Variants in GPD2 observed in about 807,000 individuals in gnomAD.
The protein encoded by GPD2 is glycerol-3-phosphate dehydrogenase 2, also known as glycerol-3-phosphate dehydrogenase, mitochondrial.
GPD2 carries 54 observed loss-of-function variants against 82.4 expected under a neutral mutation model. The ratio of observed to expected loss-of-function variants is 0.66; its 90% CI spans 0.53 to 0.82. The LOEUF (loss-of-function observed/expected upper bound fraction) is 0.82. GPD2 is among the 40% of genes least tolerant of loss of function. The pLI is 0.00. For synonymous variants in GPD2, 288 were observed against 306.1 expected, an observed-to-expected ratio of 0.94 and a Z score of 0.62; for missense variants, 748 against 896.2, an observed-to-expected ratio of 0.83 and a Z score of 2.11.
At chr2:156,479,404 A>G (rs1481601234) in intron 2 of GPD2, among the ~76,000 whole-genome samples, 1 of 152,156 alleles carries the variant, frequency 6.6e-6, no homozygotes, top group Non-Finnish European at 1.5e-5. Context: ...GTCTCACTCT[A>G]CTTCATAGTA....
the GPD2 span, among the ~76,000 whole-genome samples, chr2:156,402,851 C>T: frequency 6.6e-6 from 1 of 151,938 alleles, no homozygotes; most frequent in East Asian, 1.9e-4. Context: ...AATTTTGAAT[C>T]CTAACTTCAG....
chr2:156,514,246 T>C (rs1685115185), intron 6 of GPD2, among the ~76,000 whole-genome samples: 1 of 152,154 alleles, frequency 6.6e-6, no homozygotes, highest in Non-Finnish European at 1.5e-5. Context: ...GCAAAGCCAT[T>C]TGTAAAATTT....
At chr2:156,458,278 G>A (rs1311737234) in intron 1 of GPD2, among the ~76,000 whole-genome samples, 1 of 152,174 alleles carries the variant, frequency 6.6e-6, no homozygotes, top group Non-Finnish European at 1.5e-5. Context: ...CCCTGGGTGT[G>A]TTAACTAAAG....
chr2:156,493,602 T>A (rs1684260866), intron 2 of GPD2, among the ~76,000 whole-genome samples: 1 of 152,186 alleles, frequency 6.6e-6, no homozygotes, highest in African/African-American at 2.4e-5. Context: ...TCAAGATTAA[T>A]GTTCACAGTT....
chr2:156,540,720 GT>G (rs1686274711), intron 6 of GPD2, among the ~76,000 whole-genome samples: 1 of 152,144 alleles, frequency 6.6e-6, no homozygotes, highest in African/African-American at 2.4e-5. Context: ...TATCAACACT[GT>G]TTTCCTCTGG....
At chr2:156,532,711 T>C (rs1231193433) in intron 6 of GPD2, among the ~76,000 whole-genome samples, 1 of 152,154 alleles carries the variant, frequency 6.6e-6, no homozygotes, top group East Asian at 1.9e-4. Flanking sequence ...TGAAACCAAG[T>C]CAGAAATTCT....
intron 4 of GPD2, among the ~76,000 whole-genome samples, chr2:156,512,002 C>T (rs1021885513): frequency 6.6e-6 from 1 of 152,146 alleles, no homozygotes; most frequent in African/African-American, 2.4e-5. Context: ...GGAACTCTGA[C>T]AGCATGTTTT....
At chr2:156,541,891 G>A (rs1185510374) in intron 6 of GPD2, among the ~76,000 whole-genome samples, 3 of 125,802 alleles carry the variant, frequency 2.4e-5, no homozygotes, top group African/African-American at 9.2e-5. Context: ...AAGGCACAAG[G>A]AATCTTTATT....
At chr2:156,537,402 C>T (rs1406824352) in intron 6 of GPD2, among the ~76,000 whole-genome samples, 1 of 152,114 alleles carries the variant, frequency 6.6e-6, no homozygotes, top group Admixed American at 6.5e-5. Flanking sequence ...TGCTGGGAGT[C>T]TGGGCAAGAA....
intron 9 of GPD2, among the ~76,000 whole-genome samples, chr2:156,567,223 T>C (rs1341267902): frequency 6.6e-6 from 1 of 152,104 alleles, no homozygotes; most frequent in Non-Finnish European, 1.5e-5. Flanking sequence ...TTTATCTATT[T>C]TTTTCTTTTG....
chr2:156,415,291 T>C, the GPD2 span, among the ~76,000 whole-genome samples: 3 of 151,464 alleles, frequency 2.0e-5, no homozygotes, highest in African/African-American at 7.3e-5. Flanking sequence ...CCCGAGTAGC[T>C]GGTATTACAC....
At chr2:156,560,446 T>G (rs1371104374) in intron 9 of GPD2, among the ~76,000 whole-genome samples, 1 of 152,214 alleles carries the variant, frequency 6.6e-6, no homozygotes, top group Non-Finnish European at 1.5e-5. Flanking sequence ...GTCTTCCTCC[T>G]GGTGATCTGG....
At chr2:156,409,014 C>T in the GPD2 span, among the ~76,000 whole-genome samples, 1 of 152,268 alleles carries the variant, frequency 6.6e-6, no homozygotes, top group East Asian at 1.9e-4. Flanking sequence ...GACAGAGAGA[C>T]ACGCATACCA....
chr2:156,404,743 A>G, the GPD2 span, among the ~76,000 whole-genome samples: 1 of 150,426 alleles, frequency 6.6e-6, no homozygotes, highest in Admixed American at 6.6e-5. Context: ...TAATCCCACT[A>G]TTCAGGAGGC....
At chr2:156,537,230 A>T (rs949785091) in intron 6 of GPD2, among the ~76,000 whole-genome samples, 2 of 152,112 alleles carry the variant, frequency 1.3e-5, no homozygotes, top group African/African-American at 4.8e-5. Context: ...GGCTGCCAGG[A>T]TTGACTTAGG....
intron 1 of GPD2, among the ~76,000 whole-genome samples, chr2:156,443,509 T>G (rs779445108): frequency 2.6e-5 from 4 of 152,208 alleles, no homozygotes; most frequent in African/African-American, 4.8e-5. Flanking sequence ...GTATTTCAGG[T>G]AATCTATTCA....
At chr2:156,569,287 G>C in intron 10 of GPD2, 76 bp from the exon 11 acceptor site, 2 of 983,200 alleles carry the variant, frequency 2.0e-6, no homozygotes, top group Non-Finnish European at 3.3e-6. Flanking sequence ...TTTGTTATTG[G>C]TAAGTTGATA....
At chr2:156,402,105 C>T in the GPD2 span, among the ~76,000 whole-genome samples, 1 of 152,214 alleles carries the variant, frequency 6.6e-6, no homozygotes, top group African/African-American at 2.4e-5. Context: ...AGTTAGGAAG[C>T]TGAGGCTCGT....
chr2:156,465,684 A>G (rs1683129582), intron 1 of GPD2, among the ~76,000 whole-genome samples: 1 of 152,052 alleles, frequency 6.6e-6, no homozygotes. Flanking sequence ...TTGATTACTG[A>G]AGTAGATTCT....
Sources: gnomAD v4.1 joint callset for allele counts (sites outside exome capture counted in the v4.1 genomes callset) on GRCh38, gnomAD v4.1.1 for gene constraint, MANE v1.5 for transcripts, NCBI Gene and HGNC (gene_info 2026-07-23, HGNC 2026-07-21) for gene names.